The following PARD3B variants were observed in gnomAD, a reference collection of about 807,000 sequenced individuals.
PARD3B encodes partitioning defective 3 homolog B.
In PARD3B, 103 loss-of-function variants were observed where a neutral mutation model predicts 130.2. The observed-to-expected ratio is 0.79, with a 90% CI of 0.67 to 0.93. PARD3B has a LOEUF of 0.93. Among genes scored for constraint, PARD3B ranks in the 40% least tolerant of loss-of-function variants. The pLI is 0.00. For missense variants in PARD3B, 1,609 were observed against 1,499.2 expected (o/e 1.07, Z -1.21); for synonymous variants, 583 against 553.2 (o/e 1.05, Z -0.76).
In PARD3B at chr2:204,918,085, A is replaced by G. The variant is rs1453742804; in HGVS notation, c.223-47067A>G. Among the ~76,000 whole-genome samples, 4 of 152,220 alleles carry G rather than the reference A, an allele frequency of 2.6e-5. No individual in the cohort carries two copies. In the South Asian group the frequency reaches 6.2e-4, roughly 24 times the overall value. On this transcript the variant is annotated intron_variant, in intron 2 of 22. Transcript: ENST00000406610. ...ATTAAGTTTTGATGGGCATTCTGAC[A>G]TGAGGAGACAGTTTTTATGGAATGA...
intron 10 of PARD3B, among the ~76,000 whole-genome samples, chr2:205,156,788 G>C (rs2034199431): frequency 6.6e-6 from 1 of 152,084 alleles, no homozygotes; most frequent in African/African-American, 2.4e-5. Flanking sequence ...TATTGTTTCT[G>C]TTGTATTCTT....
chr2:204,730,665 G>A (rs907193717), intron 2 of PARD3B, among the ~76,000 whole-genome samples: 6 of 151,766 alleles, frequency 4.0e-5, no homozygotes, highest in Non-Finnish European at 7.4e-5. Flanking sequence ...AGCTCTCATC[G>A]GAGAATAAAG....
At position 205,245,963 on chromosome 2, in the gene PARD3B, A is replaced by G. The variant is rs2039554102; in HGVS notation, c.2185+141A>G. 6.1e-6 allele frequency: 4 copies of G among 656,964 alleles called. No individual in the cohort carries two copies. The East Asian group carries it at 1.1e-4, about 18-fold the overall frequency. 40.7% of individuals were successfully genotyped at this position (656,964 alleles called of 1,614,324 possible). On this transcript the variant is annotated intron_variant, in intron 16 of 22. Coordinates refer to ENST00000406610, the MANE Select transcript of PARD3B (RefSeq NM_001302769.2). ...ACATGAGATGTCTCTGACTTCCACA[A>G]AGATGACTTATTGCTTGGCTGTGTG...
At chr2:204,928,394 CT>C (rs1334213543) in intron 2 of PARD3B, among the ~76,000 whole-genome samples, 2 of 152,120 alleles carry the variant, frequency 1.3e-5, no homozygotes, top group African/African-American at 4.8e-5. Flanking sequence ...AAAATACACT[CT>C]GCTTTTGATG....
chr2:205,340,446 C>T (rs2043481205), intron 18 of PARD3B, among the ~76,000 whole-genome samples: 1 of 152,012 alleles, frequency 6.6e-6, no homozygotes, highest in Admixed American at 6.6e-5. Flanking sequence ...GAAATGAGTT[C>T]ATATATTTAC....
intron 15 of PARD3B, among the ~76,000 whole-genome samples, chr2:205,216,307 T>C (rs2037907101): frequency 6.6e-6 from 1 of 152,252 alleles, no homozygotes. Flanking sequence ...GTTCACACAA[T>C]GATGAAACTG....
chr2:205,444,366 A>T (rs1427937087), intron 20 of PARD3B, among the ~76,000 whole-genome samples: 1 of 152,086 alleles, frequency 6.6e-6, no homozygotes, highest in African/African-American at 2.4e-5. Flanking sequence ...AGGTGGGAGG[A>T]TGGCTTGAGC....
chr2:205,314,565 T>G (rs1421911396), intron 18 of PARD3B, among the ~76,000 whole-genome samples: 1 of 152,212 alleles, frequency 6.6e-6, no homozygotes. Flanking sequence ...TGTAACTGTT[T>G]TCCTCACAGA....
intron 1 of PARD3B, among the ~76,000 whole-genome samples, chr2:204,604,602 A>T (rs1002979485): frequency 8.5e-5 from 13 of 152,272 alleles, no homozygotes; most frequent in African/African-American, 2.9e-4. Context: ...TTAATGTAAG[A>T]AGCACCTGCA....
intron 1 of PARD3B, among the ~76,000 whole-genome samples, chr2:204,641,737 G>A (rs932274485): frequency 6.6e-6 from 1 of 152,104 alleles, no homozygotes; most frequent in Admixed American, 6.6e-5. Context: ...CATTCTTTGG[G>A]AACTATTCCA....
intron 18 of PARD3B, among the ~76,000 whole-genome samples, chr2:205,393,089 C>T (rs2045913064): frequency 6.6e-6 from 1 of 152,118 alleles, no homozygotes; most frequent in Non-Finnish European, 1.5e-5. Context: ...ATTTTAGAAG[C>T]AAAAGCTGCG....
At chr2:205,319,251 G>A (rs1337517187) in intron 18 of PARD3B, among the ~76,000 whole-genome samples, 1 of 152,084 alleles carries the variant, frequency 6.6e-6, no homozygotes, top group African/African-American at 2.4e-5. Context: ...CTAGCATGTC[G>A]GCTTCTACTC....
At chr2:205,076,687 T>C (rs1701083478) in intron 4 of PARD3B, among the ~76,000 whole-genome samples, 1 of 152,038 alleles carries the variant, frequency 6.6e-6, no homozygotes, top group Non-Finnish European at 1.5e-5. Flanking sequence ...TATTGTGAAC[T>C]GTGGATCTAG....
chr2:204,737,459 C>T (rs1321829234), intron 2 of PARD3B, among the ~76,000 whole-genome samples: 1 of 152,096 alleles, frequency 6.6e-6, no homozygotes, highest in Non-Finnish European at 1.5e-5. Context: ...TGTTTGTGTT[C>T]CTTGTAAATT....
At chr2:204,704,240 ATAT>A (rs1442964180) in intron 2 of PARD3B, among the ~76,000 whole-genome samples, 1 of 152,292 alleles carries the variant, frequency 6.6e-6, no homozygotes, top group African/African-American at 2.4e-5. Context: ...AATCATGCAG[ATAT>A]TATTGAGAAT....
At position 205,118,998 on chromosome 2, in the gene PARD3B, G is replaced by A. The variant is rs772346146; in HGVS notation, c.758G>A (p.Cys253Tyr). 2 of 1,611,186 alleles carry A rather than the reference G, an allele frequency of 1.2e-6. No individual in the cohort carries two copies. The highest frequency in any genetic ancestry group is 1.1e-5 in the South Asian group (1 of 90,510). The change falls in exon 7 of 23, where the codon TGT (cysteine) becomes TAT (tyrosine). Residue 253 changes from cysteine (C) to tyrosine (Y), a missense_variant. Coordinates refer to ENST00000406610, the MANE Select transcript of PARD3B (RefSeq NM_001302769.2). ...GAGGGACTATTTCACGAAAATGAAT[G>A]TATTGTAAAAATCAACAATGTGGAT... ...KREGLFHENECIVKINNVDLV... is the reference protein window; with the variant it reads ...KREGLFHENEYIVKINNVDLV...
chr2:205,134,670 C>G (rs1397787141), intron 10 of PARD3B, among the ~76,000 whole-genome samples: 1 of 152,116 alleles, frequency 6.6e-6, no homozygotes, highest in Admixed American at 6.5e-5. Flanking sequence ...CCCACAAGGC[C>G]AAGGGATTAA....
intron 1 of PARD3B, among the ~76,000 whole-genome samples, chr2:204,644,858 G>C (rs2035218060): frequency 6.6e-6 from 1 of 152,040 alleles, no homozygotes; most frequent in Non-Finnish European, 1.5e-5. Context: ...TTCCTCCCCA[G>C]AGAGCTAGAG....
chr2:205,426,648 A>G (rs1325202479), intron 19 of PARD3B, among the ~76,000 whole-genome samples: 1 of 152,202 alleles, frequency 6.6e-6, no homozygotes, highest in East Asian at 1.9e-4. Context: ...AACAAAGAGA[A>G]TTTCACTGCC....
Sources: allele counts gnomAD v4.1 joint callset (sites outside exome capture counted in the v4.1 genomes callset), GRCh38; gene constraint gnomAD v4.1.1; transcripts MANE v1.5; gene names NCBI Gene and HGNC (gene_info 2026-07-23, HGNC 2026-07-21).